RGS5: variants seen among roughly 807,000 people sequenced by gnomAD.
RGS5 encodes regulator of G protein signaling 5, also known as regulator of G-protein signalling 5.
A neutral mutation model predicts 18.9 loss-of-function variants in RGS5; 20 were observed. The ratio of observed to expected loss-of-function variants is 1.06; its 90% CI spans 0.74 to 1.54. RGS5 has a LOEUF of 1.54. Among genes scored for constraint, RGS5 ranks in the 40% most tolerant of loss-of-function variants. RGS5 has a pLI of 0.00. For missense variants in RGS5, 201 were observed against 211.8 expected (o/e 0.95, Z 0.32); for synonymous variants, 57 against 76.2 (o/e 0.75, Z 1.31).
chr1:163,205,558 T>C (rs1344460818), upstream of RGS5, among the ~76,000 whole-genome samples: 1 of 152,030 alleles, frequency 6.6e-6, no homozygotes, highest in Admixed American at 6.6e-5. Context: ...CACTTCTTCA[T>C]GGAATGTGAA....
At chr1:163,242,376 T>C (rs988388368) in intron 2 of RGS5, among the ~76,000 whole-genome samples, 2 of 152,200 alleles carry the variant, frequency 1.3e-5, no homozygotes, top group Non-Finnish European at 2.9e-5. Context: ...TTAAGCATTA[T>C]GCAAGAAACT....
chr1:163,221,052 G>T (rs1353583206), upstream of RGS5, among the ~76,000 whole-genome samples: 3 of 152,160 alleles, frequency 2.0e-5, no homozygotes, highest in Admixed American at 2.0e-4. Flanking sequence ...ATAGTAGGAA[G>T]CTAATAGGTT....
chr1:163,236,029 A>C (rs1277045539), intron 2 of RGS5, among the ~76,000 whole-genome samples: 3 of 152,184 alleles, frequency 2.0e-5, no homozygotes, highest in African/African-American at 4.8e-5. Flanking sequence ...TTCTGAGACT[A>C]TCTCTTACTT....
chr1:163,276,912 AGTACAG>A (rs1215263564), intron 2 of RGS5, among the ~76,000 whole-genome samples: 1 of 152,224 alleles, frequency 6.6e-6, no homozygotes, highest in African/African-American at 2.4e-5. Context: ...CTGAGAAACT[AGTACAG>A]GTCATGACAG....
chr1:163,187,383 T>G (rs1003215866), intron 1 of RGS5, among the ~76,000 whole-genome samples: 1 of 152,192 alleles, frequency 6.6e-6, no homozygotes, highest in African/African-American at 2.4e-5. Context: ...CGTCCACAGT[T>G]CCTGGTTCAT....
chr1:163,235,885 A>G (rs1647609143), intron 2 of RGS5, among the ~76,000 whole-genome samples: 1 of 152,222 alleles, frequency 6.6e-6, no homozygotes, highest in African/African-American at 2.4e-5. Flanking sequence ...TACTTTAGAC[A>G]TCATGCCAGG....
rs16850032 is a variant in RGS5, at chr1:163,166,456, T to C, written c.155+1802A>G. Reference sequence around the variant, plus strand: ...CTGAAAGAAGAACATGAGTTAAAAATACAGAGAAATTTTAAAGTGAGAGAA... The same window carrying C: ...CTGAAAGAAGAACATGAGTTAAAAACACAGAGAAATTTTAAAGTGAGAGAA... On this transcript the variant is annotated intron_variant, in intron 2 of 4. Coordinates refer to ENST00000313961, the MANE Select transcript of RGS5 (RefSeq NM_003617.4). Among the ~76,000 whole-genome samples the C allele has an allele frequency of 6.2e-3, 942 of 152,182 alleles. 9 individuals are homozygous for C. Among genetic ancestry groups the C allele is most frequent in the African/African-American group, 0.022 (915 of 41,518 alleles).
At chr1:163,173,999 C>A (rs1658427500) in intron 1 of RGS5, among the ~76,000 whole-genome samples, 1 of 152,116 alleles carries the variant, frequency 6.6e-6, no homozygotes, top group Non-Finnish European at 1.5e-5. Flanking sequence ...TTGCTTGAAC[C>A]CAGGAGGTGG....
At chr1:163,236,302 C>A (rs542563068) in intron 2 of RGS5, among the ~76,000 whole-genome samples, 1 of 151,964 alleles carries the variant, frequency 6.6e-6, no homozygotes, top group East Asian at 1.9e-4. Context: ...ATTATCCACA[C>A]AAAAGACAAA....
intron 2 of RGS5, chr1:163,248,488 T>C (rs6704030): frequency 0.2 from 30,388 of 152,088 alleles, 3,433 homozygotes; most frequent in Non-Finnish European, 0.25. Context: ...ATCCTTAATC[T>C]TTATTTTACA....
intron 1 of RGS5, among the ~76,000 whole-genome samples, chr1:163,183,527 C>G (rs181336323): frequency 5.6e-4 from 86 of 152,270 alleles, no homozygotes; most frequent in Non-Finnish European, 1.1e-3. Context: ...TTTGAATTAG[C>G]ACACCTGAAG....
intron 2 of RGS5, among the ~76,000 whole-genome samples, chr1:163,293,751 CA>C (rs968851302): frequency 3.0e-4 from 46 of 152,124 alleles, no homozygotes; most frequent in African/African-American, 1.1e-3. Context: ...CCTGTAAAAT[CA>C]AAAACAAATT....
At chr1:163,320,814 C>G (rs1033448625) in intron 1 of RGS5, among the ~76,000 whole-genome samples, 1 of 152,186 alleles carries the variant, frequency 6.6e-6, no homozygotes, top group Admixed American at 6.5e-5. Flanking sequence ...ACTTCACTAT[C>G]AATAGGTTTA....
chr1:163,299,135 T>A (rs1649493713), intron 2 of RGS5, among the ~76,000 whole-genome samples: 1 of 152,196 alleles, frequency 6.6e-6, no homozygotes. Flanking sequence ...ATGTGAAACA[T>A]GCAATTTAAG....
At chr1:163,157,230 T>G (rs2102388412) in intron 3 of RGS5, among the ~76,000 whole-genome samples, 2 of 152,276 alleles carry the variant, frequency 1.3e-5, no homozygotes, top group South Asian at 4.2e-4. Context: ...AAAATGGTTG[T>G]GGGGAACTAT....
chr1:163,178,138 G>A (rs769404796), intron 1 of RGS5, among the ~76,000 whole-genome samples: 11 of 151,976 alleles, frequency 7.2e-5, no homozygotes, highest in South Asian at 4.2e-4. Flanking sequence ...ACTCCCCGCC[G>A]TCTCTTCTAA....
intron 4 of RGS5, among the ~76,000 whole-genome samples, chr1:163,149,239 A>T (rs1232537746): frequency 6.6e-6 from 1 of 152,208 alleles, no homozygotes. Flanking sequence ...GTCAGGTTAC[A>T]TGCCCACAAA....
intron 2 of RGS5, among the ~76,000 whole-genome samples, chr1:163,281,093 ATG>A (rs1648979958): frequency 6.6e-6 from 1 of 152,018 alleles, no homozygotes; most frequent in Non-Finnish European, 1.5e-5. Flanking sequence ...GGTTTTAAAA[ATG>A]GGAGTTTCTC....
chr1:163,316,976 T>TA (rs1485968705), intron 1 of RGS5, among the ~76,000 whole-genome samples: 3 of 152,214 alleles, frequency 2.0e-5, no homozygotes, highest in Non-Finnish European at 4.4e-5. Context: ...CAGCCCTGTA[T>TA]AATAGTGGAG....
Sources: gnomAD v4.1 joint callset for allele counts (sites outside exome capture counted in the v4.1 genomes callset) on GRCh38, gnomAD v4.1.1 for gene constraint, MANE v1.5 for transcripts, NCBI Gene and HGNC (gene_info 2026-07-23, HGNC 2026-07-21) for gene names.